DISC1: variants seen among roughly 807,000 people sequenced by gnomAD.
The protein encoded by DISC1 is disrupted in schizophrenia 1 protein.
In DISC1, 57 loss-of-function variants were observed where a neutral mutation model predicts 84.5. That is an observed-to-expected ratio of 0.67 (90% CI 0.55 to 0.84). DISC1 has a LOEUF of 0.84. Among genes scored for constraint, DISC1 ranks in the 40% least tolerant of loss-of-function variants. The pLI is 0.00. For synonymous variants in DISC1, 411 were observed against 415.2 expected (o/e 0.99, Z 0.12); for missense variants, 1,000 against 1,057.8 (o/e 0.95, Z 0.76).
Position 231,846,474 on chromosome 1 carries a change from GTC to G in DISC1, c.1981+27961_1981+27962del, listed in dbSNP as rs1239340856. 3.3e-5 allele frequency among the ~76,000 whole-genome samples: 5 copies of G among 152,334 alleles called. No homozygotes were observed. The South Asian group carries it at 6.2e-4, about 19-fold the overall frequency. On this transcript the variant is annotated intron_variant, in intron 9 of 12. Transcript: ENST00000439617. The stretch of plus-strand genomic sequence containing the variant: ...TGCCAAAGTTAAAGGTGGAAAAAGA[GTC>G]TCTGTCCTAGCTTTTCAGCGACCTT...
In DISC1 at chr1:231,688,794, G is replaced by T. The variant is rs1269571941; in HGVS notation, c.68-5032G>T. Among the ~76,000 whole-genome samples, 4 of 152,150 alleles carry T rather than the reference G, an allele frequency of 2.6e-5. No individual in the cohort carries two copies. In the East Asian group the frequency reaches 5.8e-4, roughly 22 times the overall value. ...GTCTGTACCCCATGTATCATCTAGT[G>T]TTCAATAAGGAATTGTTTTATGGAA... On this transcript the variant is annotated intron_variant, in intron 1 of 12. Coordinates refer to ENST00000439617, the MANE Select transcript of DISC1 (RefSeq NM_018662.3).
chr1:231,828,577 A>G (rs975945098), intron 9 of DISC1, among the ~76,000 whole-genome samples: 1 of 152,256 alleles, frequency 6.6e-6, no homozygotes, highest in Non-Finnish European at 1.5e-5. Context: ...GAGTTACTCT[A>G]GGATAAAATT....
chr1:231,910,344 A>C (rs902381128), intron 9 of DISC1, among the ~76,000 whole-genome samples: 4 of 152,106 alleles, frequency 2.6e-5, no homozygotes, highest in African/African-American at 9.7e-5. Flanking sequence ...ACACTGCTTT[A>C]AATGTGTCCC....
intron 3 of DISC1, among the ~76,000 whole-genome samples, chr1:231,745,988 T>C (rs1228583030): frequency 1.3e-5 from 2 of 152,284 alleles, no homozygotes; most frequent in Non-Finnish European, 2.9e-5. Context: ...CCACGTGATG[T>C]GCCTGCTCTC....
chr1:231,977,540 C>G (rs1662985853), intron 10 of DISC1, among the ~76,000 whole-genome samples: 1 of 152,190 alleles, frequency 6.6e-6, no homozygotes, highest in Non-Finnish European at 1.5e-5. Context: ...TTATAAGAAC[C>G]TTGTGATTAC....
At chr1:232,029,086 AC>A (rs915931121) in intron 12 of DISC1, among the ~76,000 whole-genome samples, 1 of 152,116 alleles carries the variant, frequency 6.6e-6, no homozygotes, top group Non-Finnish European at 1.5e-5. Context: ...ACACACAATT[AC>A]TTTAAATTTT....
At chr1:232,029,884 G>A (rs906923073) in intron 12 of DISC1, among the ~76,000 whole-genome samples, 2 of 152,182 alleles carry the variant, frequency 1.3e-5, no homozygotes, top group South Asian at 2.1e-4. Flanking sequence ...TTTAATATCC[G>A]AGTTATGGGC....
At position 231,860,315 on chromosome 1, in the gene DISC1, CA is replaced by C. The variant is rs149154328; in HGVS notation, c.1981+41800del. ...TATCCCTTATCTAAAATGCTTGGGA[CA>C]AGAACTGTTTTAGATCTAGGATTTT... On this transcript the variant is annotated intron_variant, in intron 9 of 12. Transcript: ENST00000439617. 3.6e-3 allele frequency among the ~76,000 whole-genome samples: 547 copies of C among 152,226 alleles called. 1 individual carries two copies. The highest frequency in any genetic ancestry group is 0.012 in the African/African-American group (515 of 41,518).
At chr1:231,709,610 A>G (rs1292396190) in intron 3 of DISC1, among the ~76,000 whole-genome samples, 2 of 152,106 alleles carry the variant, frequency 1.3e-5, no homozygotes, top group Non-Finnish European at 2.9e-5. Context: ...TGCATTATTC[A>G]TGATAAACTC....
intron 7 of DISC1, among the ~76,000 whole-genome samples, chr1:231,796,990 C>T (rs1486853687): frequency 6.6e-6 from 1 of 152,168 alleles, no homozygotes; most frequent in East Asian, 1.9e-4. Context: ...ATTGGGATTG[C>T]AGGCAAGAGC....
chr1:231,967,360 G>A (rs188893807), intron 10 of DISC1, among the ~76,000 whole-genome samples: 10 of 152,356 alleles, frequency 6.6e-5, no homozygotes, highest in African/African-American at 2.4e-4. Context: ...CAGTTTACTG[G>A]AGTGTGGGAA....
chr1:231,770,734 G>A, intron 5 of DISC1, 101 bp from the exon 6 acceptor site: 3 of 1,543,670 alleles, frequency 1.9e-6, no homozygotes, highest in South Asian at 1.2e-5. Flanking sequence ...TTGTAGTTCT[G>A]GTGCATATGG....
At chr1:231,639,404 A>G (rs2059448083) in intron 1 of DISC1, among the ~76,000 whole-genome samples, 1 of 152,314 alleles carries the variant, frequency 6.6e-6, no homozygotes, top group Admixed American at 6.5e-5. Flanking sequence ...TGGTGCTCCC[A>G]ACACCTCCTG....
rs543876809 is a variant in DISC1 at position 232,036,845 on chromosome 1, G to T, written c.*14G>T. ...GCACAAGCCTGAGGAGTGACGGGAT[G>T]GGGGAGGGAGGTGGGCCACCATGTT... On this transcript the variant is annotated 3_prime_UTR_variant, in exon 13 of 13. Coordinates refer to ENST00000439617, the MANE Select transcript of DISC1 (RefSeq NM_018662.3). 48 of 1,535,020 alleles carry T rather than the reference G, an allele frequency of 3.1e-5. No homozygotes were observed. The highest frequency in any genetic ancestry group is 4.3e-5 in the Non-Finnish European group (48 of 1,127,332).
At chr1:231,724,987 G>T (rs1036263570) in intron 3 of DISC1, among the ~76,000 whole-genome samples, 14 of 152,136 alleles carry the variant, frequency 9.2e-5, no homozygotes, top group African/African-American at 3.4e-4. Flanking sequence ...CTATAGGAGA[G>T]ATTCCCCGGG....
chr1:231,777,684 G>A (rs1573734517), intron 6 of DISC1, among the ~76,000 whole-genome samples: 1 of 152,184 alleles, frequency 6.6e-6, no homozygotes, highest in Non-Finnish European at 1.5e-5. Context: ...GCAGCATTCA[G>A]GACCTCCCTG....
At chr1:231,665,899 A>G (rs554645339) in intron 1 of DISC1, among the ~76,000 whole-genome samples, 2 of 152,214 alleles carry the variant, frequency 1.3e-5, no homozygotes, top group Non-Finnish European at 1.5e-5. Context: ...CACTGCCACC[A>G]TCCAGATTGT....
rs146523336 is a variant in DISC1, at chr1:231,921,522, A to G, written c.1982-37306A>G. ...CATATTATGATTATAATTTTATGAT[A>G]TCATACTTTTATATTATGAATATAT... On this transcript the variant is annotated intron_variant, in intron 9 of 12. Coordinates refer to ENST00000439617, the MANE Select transcript of DISC1 (RefSeq NM_018662.3). Among the ~76,000 whole-genome samples the G allele has an allele frequency of 2.3e-3, 338 of 149,500 alleles. 1 individual carries two copies. The highest frequency in any genetic ancestry group is 7.9e-3 in the African/African-American group (320 of 40,340).
At chr1:231,799,858 T>TTTCCC (rs60022701) in intron 7 of DISC1, among the ~76,000 whole-genome samples, 366 of 2,368 alleles carry the variant, frequency 0.15, 150 homozygotes, top group East Asian at 0.64. Flanking sequence ...CTTCCCTTCC[T>TTTCCC]TTCCCTTCCC....
Sources: gnomAD v4.1 joint callset for allele counts (sites outside exome capture counted in the v4.1 genomes callset) on GRCh38, gnomAD v4.1.1 for gene constraint, MANE v1.5 for transcripts, NCBI Gene and HGNC (gene_info 2026-07-23, HGNC 2026-07-21) for gene names.